Variants in LDB2 observed in about 807,000 individuals in gnomAD.
LDB2 encodes LIM domain binding 2, also known as LIM domain-binding protein 2.
Under a neutral mutation model 44.3 loss-of-function variants are expected in LDB2, and 12 were observed. The ratio of observed to expected loss-of-function variants is 0.27; its 90% CI spans 0.17 to 0.44. The LOEUF (loss-of-function observed/expected upper bound fraction) is 0.44. Ranked by LOEUF, LDB2 falls within the 20% of genes least tolerant of loss-of-function variation. The pLI is 1.00. For missense variants in LDB2, 344 were observed against 473.5 expected (o/e 0.73, Z 2.54); for synonymous variants, 164 against 174.8 (o/e 0.94, Z 0.49).
intron 1 of LDB2, among the ~76,000 whole-genome samples, chr4:16,833,876 C>T (rs192047624): frequency 2.6e-5 from 4 of 152,256 alleles, no homozygotes; most frequent in Admixed American, 6.5e-5. Flanking sequence ...ATTCCAGCTC[C>T]GCAGCCCTTT....
At chr4:16,537,554 G>A (rs746447540) in intron 5 of LDB2, among the ~76,000 whole-genome samples, 56 of 152,320 alleles carry the variant, frequency 3.7e-4, no homozygotes, top group Non-Finnish European at 6.0e-4. Flanking sequence ...GGTACAGCAC[G>A]ATGTCTGAAG....
intron 5 of LDB2, among the ~76,000 whole-genome samples, chr4:16,522,504 G>GGAGAT (rs1246738620): frequency 6.6e-5 from 10 of 152,230 alleles, no homozygotes; most frequent in Admixed American, 3.3e-4. Context: ...TAAGTAATCT[G>GGAGAT]GAGATGATTT....
chr4:16,879,713 C>T (rs1719489915), intron 1 of LDB2, among the ~76,000 whole-genome samples: 2 of 152,146 alleles, frequency 1.3e-5, no homozygotes, highest in African/African-American at 4.8e-5. Flanking sequence ...TCTCAGCTTC[C>T]ATAACAATGT....
At chr4:16,583,673 G>A (rs114952206) in intron 5 of LDB2, among the ~76,000 whole-genome samples, 2,635 of 152,274 alleles carry the variant, frequency 0.017, 35 homozygotes, top group South Asian at 0.051. Flanking sequence ...ATAACCACAC[G>A]GAAGCCCATG....
intron 7 of LDB2, among the ~76,000 whole-genome samples, chr4:16,504,875 T>C: frequency 6.6e-6 from 1 of 152,194 alleles, no homozygotes; most frequent in South Asian, 2.1e-4. Context: ...TCTCATTTCA[T>C]GACTTGTGTC....
rs554230542 is a variant in LDB2 at position 16,814,021 on chromosome 4, A to G, written c.133-54761T>C. On this transcript the variant is annotated intron_variant, in intron 1 of 7. Transcript: ENST00000304523. ...CGAGTAGCTGGGACTACAGGCGCCC[A>G]CCACCACGCCTGGCTAATTTTTTGT... Among the ~76,000 whole-genome samples the G allele has an allele frequency of 2.8e-3, 420 of 151,486 alleles. 3 individuals carry two copies. The highest frequency in any genetic ancestry group is 0.01 in the Middle Eastern group (3 of 294).
At chr4:16,832,072 A>G (rs890780934) in intron 1 of LDB2, among the ~76,000 whole-genome samples, 28 of 152,234 alleles carry the variant, frequency 1.8e-4, no homozygotes, top group Non-Finnish European at 4.1e-4. Flanking sequence ...TTTGTTTAAA[A>G]CTGTTATTTT....
intron 2 of LDB2, among the ~76,000 whole-genome samples, chr4:16,729,178 C>G (rs1035659802): frequency 2.0e-5 from 3 of 152,306 alleles, no homozygotes; most frequent in African/African-American, 7.2e-5. Context: ...TTATTTCAGA[C>G]TTCAAAACAA....
At chr4:16,888,165 T>C (rs966020026) in intron 1 of LDB2, among the ~76,000 whole-genome samples, 1 of 152,214 alleles carries the variant, frequency 6.6e-6, no homozygotes, top group Non-Finnish European at 1.5e-5. Context: ...TTGAGAAGCA[T>C]GCGTCCTTAG....
At chr4:16,536,484 C>T (rs980299673) in intron 5 of LDB2, among the ~76,000 whole-genome samples, 7 of 152,130 alleles carry the variant, frequency 4.6e-5, no homozygotes, top group Non-Finnish European at 1.0e-4. Flanking sequence ...GTTGGTGCCT[C>T]CATTGGAAGT....
intron 1 of LDB2, among the ~76,000 whole-genome samples, chr4:16,766,463 C>CGT (rs1769246657): frequency 7.4e-5 from 9 of 122,064 alleles, no homozygotes; most frequent in African/African-American, 3.2e-4. Flanking sequence ...TATACACACA[C>CGT]ATATATGTGT....
intron 1 of LDB2, among the ~76,000 whole-genome samples, chr4:16,885,982 G>T (rs1039203841): frequency 1.5e-4 from 23 of 152,252 alleles, no homozygotes; most frequent in Admixed American, 4.6e-4. Flanking sequence ...TTGGGAGGCC[G>T]AAGCAAGAGG....
intron 2 of LDB2, among the ~76,000 whole-genome samples, chr4:16,621,340 G>T (rs970947188): frequency 6.6e-6 from 1 of 152,112 alleles, no homozygotes; most frequent in African/African-American, 2.4e-5. Flanking sequence ...CTCTGTCTTG[G>T]TCCCAGAGGG....
Position 16,588,812 on chromosome 4 carries a change from C to G in LDB2, c.429G>C (p.Leu143=). The G allele has an allele frequency of 6.2e-7, 1 of 1,614,050 alleles. No individual in the cohort carries two copies. Among genetic ancestry groups the G allele is most frequent in the Non-Finnish European group, 8.5e-7 (1 of 1,179,932 alleles). Residue 143 remains leucine, a synonymous_variant, in exon 4 of 8, where the codon CTG becomes CTC. Transcript: ENST00000304523. ...MFTKVCTEGR[L]ILEFTFDDLM... ...GATCATCAAAGGTGAACTCCAAGAT[C>G]AGTCTGCCTTCTGTACATACCTGGA...
intron 2 of LDB2, among the ~76,000 whole-genome samples, chr4:16,611,175 C>T (rs143080589): frequency 0.024 from 3,695 of 152,128 alleles, 148 homozygotes; most frequent in African/African-American, 0.082. Flanking sequence ...TGAGGGATTT[C>T]GTTACCACCA....
At chr4:16,603,677 C>T (rs1048886923) in intron 2 of LDB2, among the ~76,000 whole-genome samples, 1 of 151,816 alleles carries the variant, frequency 6.6e-6, no homozygotes, top group Non-Finnish European at 1.5e-5. Flanking sequence ...GTTTTTTATT[C>T]TTCATATGAA....
intron 1 of LDB2, among the ~76,000 whole-genome samples, chr4:16,896,563 CA>C (rs1725080421): frequency 1.3e-5 from 2 of 152,120 alleles, no homozygotes; most frequent in Non-Finnish European, 2.9e-5. Context: ...AGAATCTCTG[CA>C]ATTCCTCAAA....
At chr4:16,892,613 T>C (rs750187972) in intron 1 of LDB2, among the ~76,000 whole-genome samples, 30 of 152,216 alleles carry the variant, frequency 2.0e-4, no homozygotes, top group Non-Finnish European at 4.0e-4. Context: ...AGTAAGTTTA[T>C]GAATTTTGTT....
chr4:16,746,092 T>A (rs1764328188), intron 2 of LDB2, among the ~76,000 whole-genome samples: 1 of 152,110 alleles, frequency 6.6e-6, no homozygotes, highest in South Asian at 2.1e-4. Context: ...ACTCAGCAAA[T>A]ATTGACCATG....
Sources: allele counts gnomAD v4.1 joint callset (sites outside exome capture counted in the v4.1 genomes callset), GRCh38; gene constraint gnomAD v4.1.1; transcripts MANE v1.5; gene names NCBI Gene and HGNC (gene_info 2026-07-23, HGNC 2026-07-21).